Variants in CTNNA2 observed in about 807,000 individuals in gnomAD.
CTNNA2 encodes the protein catenin alpha-2.
In CTNNA2, 42 loss-of-function variants were observed where a neutral mutation model predicts 101.0. That is an observed-to-expected ratio of 0.42 (90% CI 0.32 to 0.54). CTNNA2 has a LOEUF of 0.54. CTNNA2 is among the 20% of genes least tolerant of loss of function. The pLI, the probability that CTNNA2 is intolerant of heterozygous loss-of-function variation, is 0.14. For missense variants in CTNNA2, 871 were observed against 1,223.1 expected (o/e 0.71, Z 4.29); for synonymous variants, 450 against 456.4 (o/e 0.99, Z 0.18).
intron 2 of CTNNA2, among the ~76,000 whole-genome samples, chr2:79,215,283 C>T (rs1175962880): frequency 2.0e-5 from 3 of 152,128 alleles, no homozygotes; most frequent in Admixed American, 2.0e-4. Context: ...TTGTAGCAAG[C>T]TCCTGGGAGA....
chr2:79,741,820 T>C (rs940503187), intron 2 of CTNNA2, among the ~76,000 whole-genome samples: 2 of 152,190 alleles, frequency 1.3e-5, no homozygotes, highest in African/African-American at 2.4e-5. Flanking sequence ...CTAATACTTA[T>C]ATATCTTCTT....
intron 3 of CTNNA2, among the ~76,000 whole-genome samples, chr2:79,835,691 T>TGTTTG: frequency 2.2e-5 from 3 of 135,328 alleles, no homozygotes; most frequent in African/African-American, 8.7e-5. Context: ...TTTTTTTTTT[T>TGTTTG]TTTTTTTTTT....
chr2:80,538,002 ATGTT>A (rs1164412053), intron 9 of CTNNA2, among the ~76,000 whole-genome samples: 6 of 152,064 alleles, frequency 3.9e-5, no homozygotes, highest in African/African-American at 1.4e-4. Context: ...TTTTTTTCAT[ATGTT>A]TGTTGGCCGC....
At chr2:80,127,011 A>G (rs1196979956) in intron 7 of CTNNA2, among the ~76,000 whole-genome samples, 1 of 152,162 alleles carries the variant, frequency 6.6e-6, no homozygotes, top group Non-Finnish European at 1.5e-5. Flanking sequence ...GGTTGTTGCT[A>G]TGATTCATCA....
At chr2:80,072,138 C>G (rs1698390106) in intron 7 of CTNNA2, among the ~76,000 whole-genome samples, 1 of 152,178 alleles carries the variant, frequency 6.6e-6, no homozygotes, top group South Asian at 2.1e-4. Context: ...CAACTCTTAG[C>G]CTGATATCTC....
intron 9 of CTNNA2, among the ~76,000 whole-genome samples, chr2:80,486,498 A>G (rs1451410985): frequency 6.6e-6 from 1 of 152,182 alleles, no homozygotes; most frequent in Non-Finnish European, 1.5e-5. Context: ...AAATTCAATA[A>G]TGAGAAAAAA....
intron 2 of CTNNA2, among the ~76,000 whole-genome samples, chr2:79,708,663 A>G (rs1685544003): frequency 6.8e-6 from 1 of 147,886 alleles, no homozygotes; most frequent in Non-Finnish European, 1.5e-5. Flanking sequence ...TGTAATTTTT[A>G]TAAGGATAAT....
intron 2 of CTNNA2, among the ~76,000 whole-genome samples, chr2:79,214,219 C>T (rs1674215824): frequency 6.6e-6 from 1 of 152,154 alleles, no homozygotes; most frequent in Admixed American, 6.5e-5. Context: ...AGCTTTGCAG[C>T]AGTATAGCCC....
intron 7 of CTNNA2, among the ~76,000 whole-genome samples, chr2:80,116,902 A>AGAGTGTGTGTGTGTGTGT (rs1553453019): frequency 4.2e-5 from 6 of 143,520 alleles, no homozygotes; most frequent in African/African-American, 1.6e-4. Flanking sequence ...AGAAGAAAAT[A>AGAGTGTGTGTGTGTGTGT]GTGTGTGTGT....
At chr2:80,225,858 G>A (rs1251504632) in intron 7 of CTNNA2, among the ~76,000 whole-genome samples, 1 of 152,132 alleles carries the variant, frequency 6.6e-6, no homozygotes, top group Non-Finnish European at 1.5e-5. Context: ...TCCTTTGGAT[G>A]TACTATTAGT....
At chr2:80,420,196 T>C (rs947198005) in intron 9 of CTNNA2, among the ~76,000 whole-genome samples, 13 of 152,146 alleles carry the variant, frequency 8.5e-5, no homozygotes, top group South Asian at 6.2e-4. Flanking sequence ...TGCAAAATTT[T>C]ATGGGGTAAT....
At chr2:80,101,945 G>A (rs1700573021) in intron 7 of CTNNA2, among the ~76,000 whole-genome samples, 1 of 152,142 alleles carries the variant, frequency 6.6e-6, no homozygotes. Flanking sequence ...GTCTGCTCTT[G>A]TAGATTCTTA....
In CTNNA2 at chr2:80,009,764, CAGAG is replaced by C. The variant is rs370966662; in HGVS notation, c.1056+99973_1056+99976del. 4.6e-3 allele frequency among the ~76,000 whole-genome samples: 528 copies of C among 114,560 alleles called. 4 individuals carry two copies. The highest frequency in any genetic ancestry group is 0.021 in the Middle Eastern group (5 of 234). The allele number at this position is 114,560 out of a possible 152,430, so 75.2% of individuals were successfully genotyped here. On this transcript the variant is annotated intron_variant, in intron 7 of 18. Coordinates refer to ENST00000402739, the MANE Select transcript of CTNNA2 (RefSeq NM_001282597.3). Reference sequence around the variant, plus strand: ...TGTGTGTGTGTGTCAGAGAGAGAGACAGAGAGAGACAGAGATTAAGACAATACAC... The same window carrying C: ...TGTGTGTGTGTGTCAGAGAGAGAGACAGAGACAGAGATTAAGACAATACAC...
At chr2:79,981,983 G>T (rs906904347) in intron 7 of CTNNA2, among the ~76,000 whole-genome samples, 1 of 151,538 alleles carries the variant, frequency 6.6e-6, no homozygotes. Context: ...AAAGATTGTT[G>T]TAAGGATTAT....
At chr2:79,778,921 C>T (rs182917233) in intron 3 of CTNNA2, among the ~76,000 whole-genome samples, 1 of 152,318 alleles carries the variant, frequency 6.6e-6, no homozygotes, top group East Asian at 1.9e-4. Context: ...AGTTTGCAGG[C>T]ACTATTAAAA....
At chr2:79,948,749 A>G (rs559050647) in intron 7 of CTNNA2, among the ~76,000 whole-genome samples, 1 of 152,172 alleles carries the variant, frequency 6.6e-6, no homozygotes, top group Non-Finnish European at 1.5e-5. Flanking sequence ...CGGGCGGATC[A>G]CGAGGCCAGG....
chr2:79,368,075 T>C (rs1436122815), intron 3 of CTNNA2, among the ~76,000 whole-genome samples: 1 of 152,154 alleles, frequency 6.6e-6, no homozygotes, highest in African/African-American at 2.4e-5. Context: ...TTAGGATAGA[T>C]AAAATTTTGT....
intron 2 of CTNNA2, among the ~76,000 whole-genome samples, chr2:79,272,405 A>C (rs1675105519): frequency 6.6e-6 from 1 of 152,100 alleles, no homozygotes; most frequent in African/African-American, 2.4e-5. Context: ...AAACCAAACA[A>C]AAATGGTGTA....
intron 3 of CTNNA2, among the ~76,000 whole-genome samples, chr2:79,354,240 C>T (rs1316731398): frequency 6.6e-6 from 1 of 152,146 alleles, no homozygotes. Flanking sequence ...GACTGGGAAA[C>T]ATTTCATAAA....
Sources: gnomAD v4.1 joint callset for allele counts (sites outside exome capture counted in the v4.1 genomes callset) on GRCh38, gnomAD v4.1.1 for gene constraint, MANE v1.5 for transcripts, NCBI Gene and HGNC (gene_info 2026-07-23, HGNC 2026-07-21) for gene names.